Variants in FGF12 observed in about 807,000 individuals in gnomAD.
The protein encoded by FGF12 is fibroblast growth factor 12, also known as fibroblast growth factor 12B.
A neutral mutation model predicts 23.6 loss-of-function variants in FGF12; 14 were observed. The ratio of observed to expected loss-of-function variants is 0.59; its 90% CI spans 0.39 to 0.93. FGF12 has a LOEUF of 0.93. FGF12 is among the 40% of genes least tolerant of loss of function. The pLI, the probability that FGF12 is intolerant of heterozygous loss-of-function variation, is 0.00. For synonymous variants in FGF12, 62 were observed against 77.3 expected (o/e 0.80, Z 1.04); for missense variants, 175 against 217.8 (o/e 0.80, Z 1.24).
intron 2 of FGF12, among the ~76,000 whole-genome samples, chr3:192,544,935 C>G (rs1346045127): frequency 6.6e-6 from 1 of 152,154 alleles, no homozygotes; most frequent in African/African-American, 2.4e-5. Context: ...GCCGCAACTA[C>G]TTTGTCTGGA....
chr3:192,710,541 G>A (rs75921871), intron 2 of FGF12, among the ~76,000 whole-genome samples: 1 of 152,204 alleles, frequency 6.6e-6, no homozygotes, highest in South Asian at 2.1e-4. Flanking sequence ...AGTGGAGAAA[G>A]CCAACAGGCA....
intron 2 of FGF12, among the ~76,000 whole-genome samples, chr3:192,460,251 T>A (rs1722820954): frequency 6.6e-6 from 1 of 152,166 alleles, no homozygotes; most frequent in Non-Finnish European, 1.5e-5. Context: ...CTGAACTTCT[T>A]CCTTTTCCAA....
chr3:192,484,134 A>G (rs1723561189), intron 2 of FGF12, among the ~76,000 whole-genome samples: 1 of 152,026 alleles, frequency 6.6e-6, no homozygotes, highest in Non-Finnish European at 1.5e-5. Context: ...AGCAAACTCT[A>G]TTTTGGTCTT....
chr3:192,145,121 C>T (rs1037118182), intron 5 of FGF12, among the ~76,000 whole-genome samples: 4 of 151,146 alleles, frequency 2.6e-5, no homozygotes, highest in South Asian at 2.1e-4. Flanking sequence ...CCATGCTACC[C>T]GGATCCACAC....
At chr3:192,365,991 A>C (rs978182600) in intron 2 of FGF12, among the ~76,000 whole-genome samples, 1 of 139,790 alleles carries the variant, frequency 7.2e-6, no homozygotes, top group African/African-American at 2.7e-5. Context: ...AAAAAAAAAA[A>C]AAAACAACAA....
Position 192,345,469 on chromosome 3 carries a change from C to T in FGF12, c.125-10005G>A, listed in dbSNP as rs1214992486. On this transcript the variant is annotated intron_variant, in intron 3 of 5. Coordinates refer to ENST00000445105, the MANE Select transcript of FGF12 (RefSeq NM_004113.6). ...TTGGGAGGCCGAGGCGGGCGGATCA[C>T]GAGGTCAGGAGATCGAGACCATCCT... 6.9e-5 allele frequency among the ~76,000 whole-genome samples: 3 copies of T among 43,402 alleles called. 1 individual carries two copies. The highest frequency in any genetic ancestry group is 1.0e-4 in the Non-Finnish European group (3 of 29,324). The allele number at this position is 43,402 out of a possible 152,430, so 28.5% of individuals were successfully genotyped here. A position where few individuals can be genotyped will look rare whatever the true frequency, so the allele number is the denominator to read the frequency against.
chr3:192,297,904 G>C (rs577455583), intron 4 of FGF12, among the ~76,000 whole-genome samples: 1 of 152,052 alleles, frequency 6.6e-6, no homozygotes, highest in Non-Finnish European at 1.5e-5. Context: ...GTACTCCAAC[G>C]TGTGTGCAGT....
At chr3:192,621,040 GA>G in intron 2 of FGF12, among the ~76,000 whole-genome samples, 1 of 152,184 alleles carries the variant, frequency 6.6e-6, no homozygotes, top group East Asian at 1.9e-4. Context: ...TATATGACTT[GA>G]AAATTTCAAA....
At chr3:192,353,016 T>C (rs1577380505) in intron 3 of FGF12, among the ~76,000 whole-genome samples, 1 of 152,210 alleles carries the variant, frequency 6.6e-6, no homozygotes, top group Middle Eastern at 3.2e-3. Context: ...TTTCTGAGCA[T>C]ACCTTTACTT....
chr3:192,517,255 AAAC>A (rs1724695896), intron 2 of FGF12, among the ~76,000 whole-genome samples: 1 of 152,206 alleles, frequency 6.6e-6, no homozygotes, highest in Non-Finnish European at 1.5e-5. Flanking sequence ...CAATTAGGTA[AAAC>A]ATGTGAAAGT....
chr3:192,387,904 CAAGA>C (rs1215132881), intron 2 of FGF12, among the ~76,000 whole-genome samples: 1 of 151,726 alleles, frequency 6.6e-6, no homozygotes, highest in Non-Finnish European at 1.5e-5. Flanking sequence ...TAAAAAGTAA[CAAGA>C]TAGAAATGTC....
chr3:192,461,764 G>T (rs780784396), intron 2 of FGF12, among the ~76,000 whole-genome samples: 2 of 152,088 alleles, frequency 1.3e-5, no homozygotes, highest in Non-Finnish European at 2.9e-5. Flanking sequence ...CAAGGCAGGG[G>T]GATCATCTGA....
intron 2 of FGF12, among the ~76,000 whole-genome samples, chr3:192,477,882 T>C (rs1723371635): frequency 6.6e-6 from 1 of 152,234 alleles, no homozygotes; most frequent in Non-Finnish European, 1.5e-5. Flanking sequence ...TGGTGTTTCC[T>C]AATCAGGAGC....
At chr3:192,238,795 G>T (rs1009104879) in intron 4 of FGF12, 4 of 152,140 alleles carry the variant, frequency 2.6e-5, no homozygotes, top group Non-Finnish European at 2.9e-5. Context: ...AATTCCTTTG[G>T]TCATTCCACA....
intron 2 of FGF12, among the ~76,000 whole-genome samples, chr3:192,455,549 C>A (rs887608374): frequency 6.6e-5 from 10 of 152,170 alleles, no homozygotes; most frequent in Admixed American, 2.6e-4. Context: ...AATCTCTACA[C>A]AGTTTATTGT....
chr3:192,522,199 A>ATG (rs1724837192), intron 2 of FGF12, among the ~76,000 whole-genome samples: 1 of 134,428 alleles, frequency 7.4e-6, no homozygotes, highest in Admixed American at 7.0e-5. Context: ...CTCCGTCTCA[A>ATG]AAAAAAAAAA....
intron 2 of FGF12, among the ~76,000 whole-genome samples, chr3:192,507,817 G>C (rs962018620): frequency 6.6e-6 from 1 of 152,132 alleles, no homozygotes; most frequent in Admixed American, 6.5e-5. Flanking sequence ...AGACTTATTT[G>C]CATAATGGTG....
intron 4 of FGF12, among the ~76,000 whole-genome samples, chr3:192,241,619 C>G (rs962780494): frequency 1.3e-5 from 2 of 152,096 alleles, no homozygotes; most frequent in African/African-American, 2.4e-5. Flanking sequence ...AGCACTCTCT[C>G]TCTCTCCAAA....
chr3:192,298,430 C>A (rs776009128), intron 4 of FGF12, among the ~76,000 whole-genome samples: 1 of 152,162 alleles, frequency 6.6e-6, no homozygotes, highest in Non-Finnish European at 1.5e-5. Flanking sequence ...AAAGGAAAAT[C>A]TGGGGCTGGG....
Sources: allele counts gnomAD v4.1 joint callset (sites outside exome capture counted in the v4.1 genomes callset), GRCh38; gene constraint gnomAD v4.1.1; transcripts MANE v1.5; gene names NCBI Gene and HGNC (gene_info 2026-07-23, HGNC 2026-07-21).